RAB38: variants seen among roughly 807,000 people sequenced by gnomAD.
RAB38 encodes ras-related protein Rab-38.
In RAB38, 15 loss-of-function variants were observed where a neutral mutation model predicts 18.4. That is an observed-to-expected ratio of 0.82 (90% CI 0.55 to 1.26). The LOEUF (loss-of-function observed/expected upper bound fraction) is 1.26. RAB38 is among the 50% of genes most tolerant of loss of function. The probability of loss-of-function intolerance (pLI) is 0.00; values close to 1 mark genes in which losing one functional copy is unlikely to be tolerated. For synonymous variants in RAB38, 101 were observed against 104.4 expected, an observed-to-expected ratio of 0.97 and a Z score of 0.20; for missense variants, 294 against 267.4, an observed-to-expected ratio of 1.10 and a Z score of -0.69.
At chr11:87,962,346 T>C in the RAB38 span, among the ~76,000 whole-genome samples, 5 of 152,148 alleles carry the variant, frequency 3.3e-5, no homozygotes, top group African/African-American at 1.2e-4. Context: ...ACTGCATGAA[T>C]GAACCTGCAG....
chr11:87,946,925 C>T, the RAB38 span, among the ~76,000 whole-genome samples: 2 of 139,278 alleles, frequency 1.4e-5, no homozygotes, highest in African/African-American at 2.8e-5. Context: ...ATGGCTGGGT[C>T]AAATGGTATT....
At chr11:88,164,816 AT>A (rs777764709) in intron 1 of RAB38, among the ~76,000 whole-genome samples, 122 of 149,180 alleles carry the variant, frequency 8.2e-4, no homozygotes, top group Non-Finnish European at 9.8e-4. Flanking sequence ...AGTCTAGTGT[AT>A]TTTTTTTTTA....
At chr11:87,851,573 T>G in the RAB38 span, among the ~76,000 whole-genome samples, 1 of 152,180 alleles carries the variant, frequency 6.6e-6, no homozygotes, top group Non-Finnish European at 1.5e-5. Context: ...TACCCCTGTA[T>G]GCACACAAGT....
the RAB38 span, chr11:87,880,062 A>G: frequency 5.3e-5 from 8 of 151,794 alleles, no homozygotes; most frequent in Non-Finnish European, 8.8e-5. Context: ...ATGAATGAAT[A>G]TCTGATTCTT....
At position 88,137,749 on chromosome 11, in the gene RAB38, T is replaced by C. The variant is rs112989305; in HGVS notation, c.483+11926A>G. ...ACAAAGGTTTATATAAAGCACAGGA[T>C]TGTGGACTTTCAGATTACCAGGGGT... On this transcript the variant is annotated intron_variant, in intron 2 of 2. Coordinates refer to ENST00000243662, the MANE Select transcript of RAB38 (RefSeq NM_022337.3). Among the ~76,000 whole-genome samples, 896 of 152,198 alleles carry C rather than the reference T, an allele frequency of 5.9e-3. 5 individuals carry two copies. Among genetic ancestry groups the C allele is most frequent in the Non-Finnish European group, 9.4e-3 (636 of 68,000 alleles).
chr11:88,151,774 T>C (rs970887181), intron 1 of RAB38, among the ~76,000 whole-genome samples: 1 of 152,198 alleles, frequency 6.6e-6, no homozygotes, highest in Non-Finnish European at 1.5e-5. Flanking sequence ...GGTAGTAGCA[T>C]TGAAACTGTA....
the RAB38 span, among the ~76,000 whole-genome samples, chr11:87,833,150 T>C: frequency 4.6e-5 from 7 of 152,176 alleles, no homozygotes; most frequent in African/African-American, 9.7e-5. Flanking sequence ...GCTCAGTTCC[T>C]ATCTCTCTAC....
At chr11:87,896,989 A>T in the RAB38 span, among the ~76,000 whole-genome samples, 1 of 151,710 alleles carries the variant, frequency 6.6e-6, no homozygotes, top group Non-Finnish European at 1.5e-5. Flanking sequence ...TACATTTTTC[A>T]CTAAAGCCAA....
At chr11:87,893,381 TA>T in the RAB38 span, among the ~76,000 whole-genome samples, 1 of 34,800 alleles carries the variant, frequency 2.9e-5, no homozygotes, top group African/African-American at 5.5e-5. Context: ...CATATATATA[TA>T]TATATATATT....
At chr11:88,089,530 T>A in the RAB38 span, among the ~76,000 whole-genome samples, 1 of 151,830 alleles carries the variant, frequency 6.6e-6, no homozygotes, top group African/African-American at 2.4e-5. Context: ...TGAAACTGAG[T>A]GGGATTCTTG....
downstream of RAB38, among the ~76,000 whole-genome samples, chr11:88,108,570 C>T (rs1942431301): frequency 6.6e-6 from 1 of 152,140 alleles, no homozygotes; most frequent in Non-Finnish European, 1.5e-5. Context: ...GAATACAGCA[C>T]ACTGATGGGT....
the RAB38 span, among the ~76,000 whole-genome samples, chr11:87,838,608 G>A: frequency 6.6e-6 from 1 of 152,164 alleles, no homozygotes; most frequent in African/African-American, 2.4e-5. Flanking sequence ...TGGTCTTGTT[G>A]CCTTTATCAA....
chr11:87,810,084 T>A, the RAB38 span, among the ~76,000 whole-genome samples: 2 of 152,120 alleles, frequency 1.3e-5, no homozygotes, highest in Admixed American at 6.6e-5. Context: ...CTGAAAAAAA[T>A]TGGATTGTCT....
chr11:87,899,186 G>T, the RAB38 span, among the ~76,000 whole-genome samples: 2 of 151,584 alleles, frequency 1.3e-5, no homozygotes, highest in Non-Finnish European at 3.0e-5. Context: ...CAGTCCAGAG[G>T]TTTACTGCAC....
chr11:88,028,246 G>C, the RAB38 span, among the ~76,000 whole-genome samples: 3 of 152,034 alleles, frequency 2.0e-5, no homozygotes, highest in African/African-American at 4.8e-5. Context: ...CATAATCAAA[G>C]ACCAAAAGTA....
At chr11:87,976,745 T>C in the RAB38 span, among the ~76,000 whole-genome samples, 2 of 119,142 alleles carry the variant, frequency 1.7e-5, no homozygotes, top group South Asian at 2.4e-4. Context: ...TATATATTTA[T>C]ATATTTATAT....
In RAB38 at chr11:88,149,904, C is replaced by T. The variant is rs192780970; in HGVS notation, c.254G>A (p.Gly85Asp). 5 of 1,614,000 alleles carry T rather than the reference C, an allele frequency of 3.1e-6. No homozygotes were observed. Among genetic ancestry groups the T allele is most frequent in the African/African-American group, 2.7e-5 (2 of 75,002 alleles). ...MTRVYYREAMGAFIVFDVTRP... is the reference protein window; with the variant it reads ...MTRVYYREAMDAFIVFDVTRP... ...GGTGACATCGAAGACAATAAATGCA[C>T]CCATAGCTTCTCGGTAATAGACCCT... is the stretch of plus-strand genomic sequence containing the variant. Residue 85 changes from glycine to aspartate, a missense_variant, in exon 2 of 3, where the codon GGT becomes GAT. Transcript: ENST00000243662.
chr11:88,144,282 G>A (rs60255179), intron 2 of RAB38, among the ~76,000 whole-genome samples: 26,759 of 152,150 alleles, frequency 0.18, 2,427 homozygotes, highest in Middle Eastern at 0.23. Flanking sequence ...GTCAGTGGAG[G>A]TATATCTTAT....
At chr11:88,050,453 G>C in the RAB38 span, among the ~76,000 whole-genome samples, 1 of 151,966 alleles carries the variant, frequency 6.6e-6, no homozygotes, top group East Asian at 1.9e-4. Context: ...TCTTTCTCTG[G>C]GGCATGATTG....
Sources: allele counts gnomAD v4.1 joint callset (sites outside exome capture counted in the v4.1 genomes callset), GRCh38; gene constraint gnomAD v4.1.1; transcripts MANE v1.5; gene names NCBI Gene and HGNC (gene_info 2026-07-23, HGNC 2026-07-21).